Variants in SP4 observed in about 807,000 individuals in gnomAD.
SP4 encodes Sp4 transcription factor.
In SP4, 19 loss-of-function variants were observed where a neutral mutation model predicts 72.8. That is an observed-to-expected ratio of 0.26 (90% confidence interval 0.18 to 0.38). The LOEUF is 0.38. Ranked by LOEUF, SP4 falls within the 10% of genes least tolerant of loss-of-function variation. The pLI is 1.00. For missense variants in SP4, 1,008 were observed against 926.3 expected, an observed-to-expected ratio of 1.09 and a Z score of -1.14; for synonymous variants, 395 against 333.1, an observed-to-expected ratio of 1.19 and a Z score of -2.02.
At chr7:21,506,477 C>T (rs1023836817) in intron 5 of SP4, among the ~76,000 whole-genome samples, 3 of 152,170 alleles carry the variant, frequency 2.0e-5, no homozygotes, top group Admixed American at 1.3e-4. Context: ...AGGACCTTTT[C>T]CCTGCATTTC....
intron 3 of SP4, among the ~76,000 whole-genome samples, chr7:21,450,206 G>C (rs191967402): frequency 6.6e-6 from 1 of 151,910 alleles, no homozygotes; most frequent in African/African-American, 2.4e-5. Context: ...AGATTTTCCA[G>C]GATTTCTGTT....
intron 3 of SP4, among the ~76,000 whole-genome samples, chr7:21,442,062 G>A (rs1196980323): frequency 2.2e-5 from 3 of 139,324 alleles, no homozygotes; most frequent in Admixed American, 7.4e-5. Flanking sequence ...TTTTTGAAAC[G>A]GAGTCTTGTT....
chr7:21,493,956 G>A lies in SP4; in HGVS notation c.2107+11833G>A, dbSNP rs115363356. The stretch of plus-strand genomic sequence containing the variant: ...TATAAAAAGGATAATGCATTGTTAC[G>A]TAGTACAGTTTATTCCAAGAATGAA... On this transcript the variant is annotated intron_variant, in intron 5 of 5. Transcript: ENST00000222584. 7.3e-3 allele frequency among the ~76,000 whole-genome samples: 1,113 copies of A among 152,202 alleles called. 16 individuals are homozygous for A. The highest frequency in any genetic ancestry group is 0.025 in the African/African-American group (1,027 of 41,530).
At chr7:21,473,731 C>T (rs911770926) in intron 3 of SP4, among the ~76,000 whole-genome samples, 1 of 152,042 alleles carries the variant, frequency 6.6e-6, no homozygotes, top group African/African-American at 2.4e-5. Context: ...CAAAGGCATC[C>T]CCACTTAGAC....
intron 3 of SP4, among the ~76,000 whole-genome samples, chr7:21,446,956 G>C (rs1783446116): frequency 6.6e-6 from 1 of 152,050 alleles, no homozygotes; most frequent in Non-Finnish European, 1.5e-5. Flanking sequence ...TCATTTTTAG[G>C]ATTCACAGAA....
At chr7:21,450,421 G>A (rs1295579750) in intron 3 of SP4, among the ~76,000 whole-genome samples, 3 of 151,998 alleles carry the variant, frequency 2.0e-5, no homozygotes, top group African/African-American at 7.2e-5. Flanking sequence ...TACATGCTTT[G>A]GGGTGCAATA....
intron 5 of SP4, among the ~76,000 whole-genome samples, chr7:21,498,122 C>T (rs984836347): frequency 6.6e-6 from 1 of 152,106 alleles, no homozygotes; most frequent in Non-Finnish European, 1.5e-5. Context: ...AACCAGCCCT[C>T]CTTATATGTG....
intron 3 of SP4, among the ~76,000 whole-genome samples, chr7:21,435,741 A>G (rs567746418): frequency 6.7e-4 from 102 of 152,218 alleles, no homozygotes; most frequent in Non-Finnish European, 1.2e-3. Context: ...ATTCAATACG[A>G]ATGACTTAGG....
At chr7:21,493,960 TAC>T (rs1249816341) in intron 5 of SP4, among the ~76,000 whole-genome samples, 7 of 152,204 alleles carry the variant, frequency 4.6e-5, no homozygotes, top group Non-Finnish European at 1.0e-4. Context: ...TGTTACGTAG[TAC>T]AGTTTATTCC....
intron 5 of SP4, among the ~76,000 whole-genome samples, chr7:21,505,426 C>T (rs1463672993): frequency 6.6e-6 from 1 of 152,206 alleles, no homozygotes; most frequent in African/African-American, 2.4e-5. Flanking sequence ...ATTGTAACAA[C>T]TGGGTTCCCC....
At chr7:21,477,703 G>A (rs558348469) in intron 4 of SP4, among the ~76,000 whole-genome samples, 3 of 152,080 alleles carry the variant, frequency 2.0e-5, no homozygotes, top group East Asian at 3.9e-4. Flanking sequence ...ACCACACCCG[G>A]CTAGTTTTTG....
At chr7:21,455,943 T>TGA (rs1783751107) in intron 3 of SP4, among the ~76,000 whole-genome samples, 1 of 152,160 alleles carries the variant, frequency 6.6e-6, no homozygotes, top group Non-Finnish European at 1.5e-5. Flanking sequence ...GGGCTGGACT[T>TGA]CCCTCCCTTC....
Position 21,468,544 on chromosome 7 carries a change from T to C in SP4, c.1679-8535T>C, listed in dbSNP as rs576382243. 2.6e-5 allele frequency among the ~76,000 whole-genome samples: 4 copies of C among 152,130 alleles called. No individual in the cohort carries two copies. The South Asian group carries it at 8.3e-4, about 32-fold the overall frequency. On this transcript the variant is annotated intron_variant, in intron 3 of 5. Transcript: ENST00000222584. ...TTTTTTTTTTTTCTTTTTCAATTGT[T>C]TGTTGCTGATATGGTTGGGAACTGT...
At chr7:21,457,031 G>GC (rs34943418) in intron 3 of SP4, among the ~76,000 whole-genome samples, 60,824 of 151,898 alleles carry the variant, frequency 0.4, 12,584 homozygotes, top group East Asian at 0.67. Context: ...GCCTAAGAAG[G>GC]AAGGCATAGA....
chr7:21,455,069 C>G (rs936046926), intron 3 of SP4, among the ~76,000 whole-genome samples: 5 of 152,102 alleles, frequency 3.3e-5, no homozygotes, highest in South Asian at 4.1e-4. Flanking sequence ...TGGAAGCCAG[C>G]CAGAGCAGAG....
At chr7:21,463,871 C>A (rs756115068) in intron 3 of SP4, among the ~76,000 whole-genome samples, 2 of 152,098 alleles carry the variant, frequency 1.3e-5, no homozygotes, top group Non-Finnish European at 2.9e-5. Flanking sequence ...AATTAATTAT[C>A]TTAAAAGTTT....
chr7:21,481,843 C>T (rs1370680031), intron 4 of SP4, 81 bp from the exon 5 acceptor site: 6 of 1,001,532 alleles, frequency 6.0e-6, no homozygotes, highest in South Asian at 1.4e-5. Context: ...CATTTAATTA[C>T]CTTGATTCTT....
intron 3 of SP4, among the ~76,000 whole-genome samples, chr7:21,434,598 T>G (rs1782985115): frequency 6.6e-6 from 1 of 152,156 alleles, no homozygotes; most frequent in Non-Finnish European, 1.5e-5. Flanking sequence ...AACTTAAAAT[T>G]TTTTTACTTT....
chr7:21,511,189 A>G lies in SP4; in HGVS notation c.2275A>G (p.Arg759Gly). The G allele has an allele frequency of 6.2e-7, 1 of 1,614,186 alleles. No homozygotes were observed. The highest frequency in any genetic ancestry group is 8.5e-7 in the Non-Finnish European group (1 of 1,180,000). The change falls in exon 6 of 6, where the codon AGA (arginine) becomes GGA (glycine). Residue 759 changes from arginine (R) to glycine (G), a missense_variant. This residue lies in a region of SP4 where 67 missense variants were observed against 66.1 expected (regional missense o/e 1.01). Coordinates refer to ENST00000222584, the MANE Select transcript of SP4 (RefSeq NM_003112.5). ...SSVTEVLGSP[R>G]IVTVAAISQD... ...TGTTACAGAGGTGCTTGGCTCCCCA[A>G]GAATTGTCACAGTTGCAGCCATTTC...
Sources: allele counts gnomAD v4.1 joint callset (sites outside exome capture counted in the v4.1 genomes callset), GRCh38; gene constraint gnomAD v4.1.1; regional missense constraint gnomAD v4.1.1; transcripts MANE v1.5; gene names NCBI Gene and HGNC (gene_info 2026-07-23, HGNC 2026-07-21).